The following LAMA4 variants were observed in gnomAD, a reference collection of about 807,000 sequenced individuals.
LAMA4 encodes the protein laminin subunit alpha-4.
A neutral mutation model predicts 207.1 loss-of-function variants in LAMA4; 127 were observed. The ratio of observed to expected loss-of-function variants is 0.61; its 90% CI spans 0.53 to 0.71. The LOEUF (loss-of-function observed/expected upper bound fraction) is 0.71. Ranked by LOEUF, LAMA4 falls within the 30% of genes least tolerant of loss-of-function variation. The pLI is 0.00. For synonymous variants in LAMA4, 761 were observed against 816.0 expected, an observed-to-expected ratio of 0.93 and a Z score of 1.15; for missense variants, 2,093 against 2,246.5, an observed-to-expected ratio of 0.93 and a Z score of 1.38.
In LAMA4 at chr6:112,117,765, G is replaced by A. The variant is rs1778108675; in HGVS notation, c.4955C>T (p.Ser1652Leu). 1 of 1,613,516 alleles carries A rather than the reference G, an allele frequency of 6.2e-7. No homozygotes were observed. The highest frequency in any genetic ancestry group is 1.3e-5 in the African/African-American group (1 of 74,892). Reference protein sequence around the residue: ...EGPMETGTYFSTEGGYVVLDE... With the variant: ...EGPMETGTYFLTEGGYVVLDE... ...TAGAACCACGTATCCTCCTTCTGTT[G>A]AAAAGTAAGTTCCTGTTTCCATGGG... is the stretch of plus-strand genomic sequence containing the variant. Residue 1652 changes from serine to leucine, a missense_variant, in exon 35 of 39, where the codon TCA becomes TTA. This residue lies in a region of LAMA4 where 383 missense variants were observed against 437.8 expected (regional missense o/e 0.87). Transcript: ENST00000230538. The surrounding 1 kb of genome is among the most constrained non-coding windows in gnomAD (Gnocchi z 4.5).
rs144250353 is a variant in LAMA4, at chr6:112,207,738, A to G, written c.298-593T>C. ...GGTTTTTTTTTTGTATGATTTTCCC[A>G]CTTGTAGTAAAGATTATAGGAGTAA... On this transcript the variant is annotated intron_variant, in intron 3 of 38. Transcript: ENST00000230538. Among the ~76,000 whole-genome samples the G allele has an allele frequency of 4.1e-3, 629 of 151,962 alleles. 3 individuals carry two copies. The highest frequency in any genetic ancestry group is 0.01 in the African/African-American group (429 of 41,434).
At chr6:112,112,544 T>C (rs1184275952) in intron 38 of LAMA4, among the ~76,000 whole-genome samples, 1 of 152,166 alleles carries the variant, frequency 6.6e-6, no homozygotes, top group African/African-American at 2.4e-5. Context: ...CATGTGAGAC[T>C]TTTTCATGCT....
chr6:112,200,695 T>C (rs1473685811), intron 5 of LAMA4, among the ~76,000 whole-genome samples: 2 of 152,188 alleles, frequency 1.3e-5, no homozygotes, highest in Non-Finnish European at 2.9e-5. Context: ...TGGAATACTA[T>C]GCAGTCATAA....
intron 8 of LAMA4, chr6:112,187,037 A>C: frequency 2.6e-6 from 1 of 387,024 alleles, no homozygotes; most frequent in Non-Finnish European, 5.0e-6. Context: ...GAGAAGAAGA[A>C]GGATGCTTCT....
At chr6:112,203,890 T>A (rs1783905594) in intron 4 of LAMA4, among the ~76,000 whole-genome samples, 1 of 152,200 alleles carries the variant, frequency 6.6e-6, no homozygotes, top group Non-Finnish European at 1.5e-5. Context: ...GAGCACATTC[T>A]CTAAGTCCCT....
At chr6:112,155,488 A>G in intron 15 of LAMA4, 77 bp downstream of exon 15, 1 of 1,504,564 alleles carries the variant, frequency 6.6e-7, no homozygotes, top group African/African-American at 1.4e-5. Flanking sequence ...TCACACTGGA[A>G]GTTCAAGAGA....
At chr6:112,202,106 T>C (rs556638631) in intron 4 of LAMA4, among the ~76,000 whole-genome samples, 1 of 152,334 alleles carries the variant, frequency 6.6e-6, no homozygotes, top group East Asian at 1.9e-4. Flanking sequence ...AGTTCTAAAC[T>C]ATATAATCTC....
chr6:112,230,244 A>G (rs560875102), intron 2 of LAMA4, among the ~76,000 whole-genome samples: 12 of 152,354 alleles, frequency 7.9e-5, no homozygotes, highest in Non-Finnish European at 5.9e-5. Flanking sequence ...AAATGTGCTT[A>G]CATTTAAGAT....
chr6:112,249,501 A>G (rs1787273279), intron 2 of LAMA4, among the ~76,000 whole-genome samples: 1 of 150,460 alleles, frequency 6.6e-6, no homozygotes, highest in Non-Finnish European at 1.5e-5. Flanking sequence ...AAGTATTCCT[A>G]TATATATTTC....
chr6:112,117,858 A>G lies in LAMA4; in HGVS notation c.4862T>C (p.Leu1621Pro). The change falls in exon 35 of 39, where the codon CTC (leucine) becomes CCC (proline). Residue 1621 changes from leucine to proline, a missense_variant. Around this residue, in one of 3 missense-constraint regions of LAMA4, gnomAD observed 383 missense variants for 437.8 expected, o/e 0.87. Coordinates refer to ENST00000230538, the MANE Select transcript of LAMA4 (RefSeq NM_001105206.3). The surrounding 1 kb of genome is among the most constrained non-coding windows in gnomAD (Gnocchi z 4.5). Reference protein sequence around the residue: ...IYSFSGCLSNLQLNGASITSA... With the variant: ...IYSFSGCLSNPQLNGASITSA... ...GGTGATGGAGGCCCCATTGAGCTGG[A>G]GATTGCTGAGACAGCCACTAAAACT... The G allele has an allele frequency of 6.2e-7, 1 of 1,613,698 alleles. No homozygotes were observed.
intron 2 of LAMA4, among the ~76,000 whole-genome samples, chr6:112,240,251 T>C (rs782014350): frequency 7.2e-5 from 11 of 152,202 alleles, no homozygotes; most frequent in Non-Finnish European, 1.5e-4. Context: ...ATTTTTAATC[T>C]TTGTATTTTT....
intron 31 of LAMA4, among the ~76,000 whole-genome samples, chr6:112,127,135 C>A (rs1240923382): frequency 6.6e-6 from 1 of 152,014 alleles, no homozygotes; most frequent in African/African-American, 2.4e-5. Context: ...CTATTATATG[C>A]ATTGTTCTGA....
intron 9 of LAMA4, chr6:112,178,574 A>C: frequency 3.4e-6 from 1 of 294,426 alleles, no homozygotes; most frequent in African/African-American, 2.2e-5. Flanking sequence ...ATCCCTCCCC[A>C]CTCCACTCTT....
chr6:112,140,973 C>T, intron 21 of LAMA4, 51 bp from the exon 22 acceptor site: 1 of 1,509,140 alleles, frequency 6.6e-7, no homozygotes, highest in Non-Finnish European at 9.2e-7. Context: ...ATAGAAAATA[C>T]TTTTTAAATG....
chr6:112,122,085 G>T lies in LAMA4; in HGVS notation c.4404C>A (p.His1468Gln), dbSNP rs782111517. The T allele has an allele frequency of 6.2e-7, 1 of 1,613,882 alleles. No homozygotes were observed. Among genetic ancestry groups the T allele is most frequent in the African/African-American group, 1.3e-5 (1 of 74,996 alleles). The change falls in exon 32 of 39, where the codon CAC (histidine) becomes CAA (glutamine). Residue 1468 changes from histidine to glutamine, a missense_variant. His to Gln is a conservative substitution (Grantham distance 24). Coordinates refer to ENST00000230538, the MANE Select transcript of LAMA4 (RefSeq NM_001105206.3). The part of the protein sequence containing the change: ...HLSNSPRAIE[H>Q]AYQYGGTANS... ...TGGCTGTTCCTCCATATTGATAGGC[G>T]TGCTCTATTGCTCTAGGGCTGTTGG...
chr6:112,147,502 A>C (rs1319902910), intron 18 of LAMA4, among the ~76,000 whole-genome samples: 7 of 152,216 alleles, frequency 4.6e-5, no homozygotes, highest in Non-Finnish European at 8.8e-5. Context: ...ATATTGACAG[A>C]CATTGCTGTT....
intron 5 of LAMA4, among the ~76,000 whole-genome samples, chr6:112,200,994 C>T (rs1783712698): frequency 6.6e-6 from 1 of 150,618 alleles, no homozygotes. Flanking sequence ...AAGAAACCTG[C>T]ACGTTCTGCA....
In LAMA4 at chr6:112,208,252, A is replaced by G. The variant is rs544863233; in HGVS notation, c.298-1107T>C. Among the ~76,000 whole-genome samples, 21 of 152,318 alleles carry G rather than the reference A, an allele frequency of 1.4e-4. No individual in the cohort carries two copies. In the South Asian group the frequency reaches 3.5e-3, roughly 26 times the overall value. ...GATGCATAAGAGCTTCAACAGGACA[A>G]CTTTTTTAAAACAGTGGAGGAGCCT... On this transcript the variant is annotated intron_variant, in intron 3 of 38. Transcript: ENST00000230538.
chr6:112,140,805 A>AGGGTCC lies in LAMA4; in HGVS notation c.2925_2930dup (p.Asp976_Pro977dup). 1.2e-6 allele frequency: 2 copies of AGGGTCC among 1,614,112 alleles called. No homozygotes were observed. Among genetic ancestry groups the AGGGTCC allele is most frequent in the Non-Finnish European group, 1.7e-6 (2 of 1,179,978 alleles). ...CACCAACATAAAACACTGTGTCCTC[A>AGGGTCC]GGGTCCAGGTCCAGCAGAGAGTCAT... On this transcript the variant is annotated inframe_insertion, in exon 22 of 39. Coordinates refer to ENST00000230538, the MANE Select transcript of LAMA4 (RefSeq NM_001105206.3).
Sources: gnomAD v4.1 joint callset for allele counts (sites outside exome capture counted in the v4.1 genomes callset) on GRCh38, gnomAD v4.1.1 for gene constraint, gnomAD v4.1.1 regional missense constraint, Gnocchi (gnomAD v3.1) non-coding constraint, MANE v1.5 for transcripts, NCBI Gene and HGNC (gene_info 2026-07-23, HGNC 2026-07-21) for gene names.